Variants in EIF4G3 observed in about 807,000 individuals in gnomAD.
EIF4G3 encodes eukaryotic translation initiation factor 4 gamma 3.
A neutral mutation model predicts 186.4 loss-of-function variants in EIF4G3; 34 were observed. The observed-to-expected ratio is 0.18, with a 90% CI of 0.14 to 0.24. The LOEUF (loss-of-function observed/expected upper bound fraction) is 0.24, where lower values mean the gene tolerates loss of function less well. Ranked by LOEUF, EIF4G3 falls within the 10% of genes least tolerant of loss-of-function variation. The probability of loss-of-function intolerance (pLI) is 1.00; values close to 1 mark genes in which losing one functional copy is unlikely to be tolerated. For synonymous variants in EIF4G3, 673 were observed against 679.5 expected (o/e 0.99, Z 0.15); for missense variants, 1,536 against 1,948.5 (o/e 0.79, Z 3.99).
intron 2 of EIF4G3, among the ~76,000 whole-genome samples, chr1:21,116,938 T>G (rs2096835717): frequency 6.6e-6 from 1 of 152,024 alleles, no homozygotes; most frequent in Admixed American, 6.6e-5. Context: ...AAACATTTCA[T>G]TAAAAGATTA....
At chr1:21,164,280 C>T (rs751927913) in intron 2 of EIF4G3, among the ~76,000 whole-genome samples, 1 of 152,138 alleles carries the variant, frequency 6.6e-6, no homozygotes, top group Non-Finnish European at 1.5e-5. Context: ...CTACCACTGC[C>T]TAATAGTAAT....
At chr1:20,947,505 T>A (rs779786672) in intron 13 of EIF4G3, among the ~76,000 whole-genome samples, 1 of 147,180 alleles carries the variant, frequency 6.8e-6, no homozygotes, top group African/African-American at 2.5e-5. Context: ...TGGAAGAAAT[T>A]AGAAATGTTA....
At chr1:21,112,722 A>C (rs1321575734) in intron 2 of EIF4G3, among the ~76,000 whole-genome samples, 1 of 152,210 alleles carries the variant, frequency 6.6e-6, no homozygotes, top group Non-Finnish European at 1.5e-5. Flanking sequence ...TTTCATTTCA[A>C]AATAAAACGC....
chr1:20,985,048 C>CT (rs1023947232), intron 7 of EIF4G3, among the ~76,000 whole-genome samples: 2 of 152,162 alleles, frequency 1.3e-5, no homozygotes, highest in Non-Finnish European at 2.9e-5. Flanking sequence ...TAGGCATGTA[C>CT]TTTTAACTGT....
rs189679266 is a variant in EIF4G3 at position 21,117,294 on chromosome 1, T to G, written c.-271-28081A>C. 2.0e-5 allele frequency among the ~76,000 whole-genome samples: 3 copies of G among 152,196 alleles called. No individual in the cohort carries two copies. In the East Asian group the frequency reaches 5.8e-4, roughly 29 times the overall value. On this transcript the variant is annotated intron_variant, in intron 2 of 36. Transcript: ENST00000602326. The stretch of plus-strand genomic sequence containing the variant: ...CTGGCACTGGTAAAAGATTCTTGTA[T>G]CTCATGAATGAGTATCAAGCACCAA...
Position 20,941,933 on chromosome 1 carries a change from A to G in EIF4G3, c.1221T>C (p.Ser407=). 6 of 1,614,170 alleles carry G rather than the reference A, an allele frequency of 3.7e-6. No homozygotes were observed. Among genetic ancestry groups the G allele is most frequent in the Non-Finnish European group, 5.1e-6 (6 of 1,180,020 alleles). The change falls in exon 14 of 37, where the codon TCT becomes TCC. Residue 407 remains serine, a synonymous_variant. Transcript: ENST00000602326. ...TTATTTCATTAATTAGGTTAGTACT[A>G]GAAACCAGTGGAATATCATTAGGTG... ...SVAPNDIPLV[S]STNLINEING...
At chr1:20,985,259 C>T (rs1558571785) in intron 7 of EIF4G3, among the ~76,000 whole-genome samples, 1 of 152,156 alleles carries the variant, frequency 6.6e-6, no homozygotes, top group African/African-American at 2.4e-5. Flanking sequence ...TGCTTACTCA[C>T]GAAAACAAAT....
chr1:20,880,810 G>C (rs533863644), intron 19 of EIF4G3, among the ~76,000 whole-genome samples: 1 of 152,128 alleles, frequency 6.6e-6, no homozygotes, highest in Non-Finnish European at 1.5e-5. Flanking sequence ...GGAAATCAAA[G>C]AGGGCTTAAA....
At chr1:20,941,197 A>G (rs1466076355) in intron 14 of EIF4G3, 3 of 1,497,550 alleles carry the variant, frequency 2.0e-6, no homozygotes, top group South Asian at 2.7e-5. Flanking sequence ...AAACCAATTC[A>G]TATGAATGAG....
chr1:21,064,712 C>A (rs116918866), intron 3 of EIF4G3: 2 of 152,190 alleles, frequency 1.3e-5, no homozygotes, highest in East Asian at 3.9e-4. Flanking sequence ...AGTAAAACTA[C>A]ACAAAATTAG....
intron 27 of EIF4G3, among the ~76,000 whole-genome samples, chr1:20,852,502 G>A (rs2073649238): frequency 1.3e-5 from 2 of 152,186 alleles, no homozygotes. Flanking sequence ...AGAAGAAGCT[G>A]TCTTGGATTA....
At chr1:20,838,878 T>C (rs952285182) in intron 30 of EIF4G3, among the ~76,000 whole-genome samples, 4 of 152,166 alleles carry the variant, frequency 2.6e-5, no homozygotes, top group African/African-American at 9.7e-5. Flanking sequence ...AGTTTCACCA[T>C]GCTGCCCAGG....
At chr1:21,024,151 C>T (rs1256547531) in intron 4 of EIF4G3, among the ~76,000 whole-genome samples, 1 of 142,898 alleles carries the variant, frequency 7.0e-6, no homozygotes. Flanking sequence ...GCAGTCACCC[C>T]GTCCGGGAGG....
chr1:20,939,635 T>A (rs769179277), intron 14 of EIF4G3, among the ~76,000 whole-genome samples: 1 of 152,324 alleles, frequency 6.6e-6, no homozygotes, highest in South Asian at 2.1e-4. Flanking sequence ...ATGGTTTGTA[T>A]CTTCAACTTA....
At chr1:20,842,538 T>G in intron 29 of EIF4G3, among the ~76,000 whole-genome samples, 1 of 152,006 alleles carries the variant, frequency 6.6e-6, no homozygotes, top group Non-Finnish European at 1.5e-5. Context: ...TGGCTAATTT[T>G]GTATTTTTAG....
At chr1:20,829,345 AATCAGTCAACAAATACATATT>A (rs1209273066) in intron 30 of EIF4G3, 73 bp from the exon 31 acceptor site, 1 of 1,548,782 alleles carries the variant, frequency 6.5e-7, no homozygotes, top group Non-Finnish European at 8.8e-7. Context: ...AGAGATAAAA[AATCAGTCAACAAATACATATT>A]AATCACCTGC....
intron 18 of EIF4G3, among the ~76,000 whole-genome samples, chr1:20,891,616 C>CAA (rs11343165): frequency 2.8e-3 from 229 of 81,630 alleles, no homozygotes; most frequent in African/African-American, 9.8e-3. Context: ...ACTAAAAATA[C>CAA]AAAAAAAAAA....
At chr1:21,134,959 A>G (rs1390725982) in intron 2 of EIF4G3, among the ~76,000 whole-genome samples, 2 of 152,120 alleles carry the variant, frequency 1.3e-5, no homozygotes, top group African/African-American at 4.8e-5. Flanking sequence ...AGGTTTTCAA[A>G]CCAGATGTGC....
chr1:20,892,646 G>A, intron 18 of EIF4G3: 2 of 1,535,944 alleles, frequency 1.3e-6, no homozygotes, highest in Non-Finnish European at 1.7e-6. Flanking sequence ...TCATGGGTGG[G>A]TGTGACATCA....
Sources: allele counts gnomAD v4.1 joint callset (sites outside exome capture counted in the v4.1 genomes callset), GRCh38; gene constraint gnomAD v4.1.1; transcripts MANE v1.5; gene names NCBI Gene and HGNC (gene_info 2026-07-23, HGNC 2026-07-21).